SLC25A48: variants seen among roughly 807,000 people sequenced by gnomAD.
The protein encoded by SLC25A48 is CTC-321K16.1.
A neutral mutation model predicts 32.2 loss-of-function variants in SLC25A48; 29 were observed. That is an observed-to-expected ratio of 0.90 (90% CI 0.67 to 1.23). SLC25A48 has a LOEUF of 1.23. Among genes scored for constraint, SLC25A48 ranks in the 50% most tolerant of loss-of-function variants. The probability of loss-of-function intolerance (pLI) is 0.00; values close to 1 mark genes in which losing one functional copy is unlikely to be tolerated. For missense variants in SLC25A48, 399 were observed against 422.7 expected (o/e 0.94, Z 0.49); for synonymous variants, 164 against 172.3 (o/e 0.95, Z 0.38).
chr5:135,581,233 A>T (rs1751227093), intron 1 of SLC25A48, among the ~76,000 whole-genome samples: 1 of 152,208 alleles, frequency 6.6e-6, no homozygotes, highest in African/African-American at 2.4e-5. Context: ...CGTCATACAG[A>T]TGTACCAGAA....
At chr5:135,686,876 A>G (rs1754031344) in intron 3 of SLC25A48, among the ~76,000 whole-genome samples, 1 of 152,160 alleles carries the variant, frequency 6.6e-6, no homozygotes, top group African/African-American at 2.4e-5. Flanking sequence ...TTATCATCTG[A>G]CATTCTGGGA....
intron 3 of SLC25A48, among the ~76,000 whole-genome samples, chr5:135,774,228 C>A (rs1271729780): frequency 6.6e-6 from 1 of 151,764 alleles, no homozygotes; most frequent in Non-Finnish European, 1.5e-5. Context: ...GATATTGTTT[C>A]TCATATCCAG....
In SLC25A48 at chr5:135,628,211, A is replaced by C. The variant is rs73791007; in HGVS notation, c.-848-1026A>C. Among the ~76,000 whole-genome samples the C allele has an allele frequency of 9.4e-3, 1,436 of 152,326 alleles. 26 individuals are homozygous for C. The highest frequency in any genetic ancestry group is 0.033 in the African/African-American group (1,365 of 41,566). ...GATTAGATGTGGAGTCTAAGACTCC[A>C]AATTTCTCTGAATAACTGCAAATTT... On this transcript the variant is annotated intron_variant, in intron 1 of 10. Coordinates refer to the SLC25A48 transcript ENST00000646290.
chr5:135,632,200 T>C (rs1355430444), intron 2 of SLC25A48, among the ~76,000 whole-genome samples: 5 of 152,232 alleles, frequency 3.3e-5, no homozygotes, highest in Non-Finnish European at 7.3e-5. Context: ...CTACAGTGCG[T>C]AGGCTTTGTC....
intron 1 of SLC25A48, among the ~76,000 whole-genome samples, chr5:135,621,487 A>G (rs992611734): frequency 2.6e-4 from 39 of 152,204 alleles, no homozygotes; most frequent in African/African-American, 8.9e-4. Flanking sequence ...GAGTATTTCT[A>G]TGTCCAGATA....
intron 3 of SLC25A48, among the ~76,000 whole-genome samples, chr5:135,778,972 C>G (rs1480263336): frequency 2.0e-5 from 3 of 151,244 alleles, no homozygotes; most frequent in African/African-American, 7.3e-5. Flanking sequence ...GAATATTTCC[C>G]CAAATATCAC....
intron 3 of SLC25A48, among the ~76,000 whole-genome samples, chr5:135,678,026 G>A (rs1450806801): frequency 6.6e-6 from 1 of 152,058 alleles, no homozygotes; most frequent in Non-Finnish European, 1.5e-5. Flanking sequence ...TCTATTTAGG[G>A]GTCACCGGGC....
chr5:135,624,750 GA>G (rs1752405105), intron 1 of SLC25A48, among the ~76,000 whole-genome samples: 1 of 152,218 alleles, frequency 6.6e-6, no homozygotes. Flanking sequence ...TAGATACATA[GA>G]AAAGACAGTG....
intron 3 of SLC25A48, among the ~76,000 whole-genome samples, chr5:135,746,874 A>T (rs1364238178): frequency 1.3e-5 from 2 of 152,054 alleles, no homozygotes; most frequent in East Asian, 3.9e-4. Context: ...GGGGAGTCTC[A>T]TCACATTGAT....
chr5:135,739,995 A>G (rs548293205), intron 3 of SLC25A48, among the ~76,000 whole-genome samples: 2 of 152,310 alleles, frequency 1.3e-5, no homozygotes, highest in Admixed American at 6.5e-5. Flanking sequence ...ATCCCCAGTG[A>G]GCTGTTTAAG....
At chr5:135,795,228 A>C (rs1466876147) in intron 3 of SLC25A48, among the ~76,000 whole-genome samples, 1 of 151,862 alleles carries the variant, frequency 6.6e-6, no homozygotes, top group East Asian at 1.9e-4. Flanking sequence ...GGAGAGGAAG[A>C]TATTACTCCC....
intron 3 of SLC25A48, among the ~76,000 whole-genome samples, chr5:135,732,576 A>T (rs1755253068): frequency 6.6e-6 from 1 of 152,208 alleles, no homozygotes; most frequent in Non-Finnish European, 1.5e-5. Flanking sequence ...CAGATGGAAC[A>T]CTGAGAAGTG....
intron 3 of SLC25A48, among the ~76,000 whole-genome samples, chr5:135,778,993 T>C (rs1756649202): frequency 6.6e-6 from 1 of 151,496 alleles, no homozygotes; most frequent in South Asian, 2.1e-4. Flanking sequence ...ATAATATACA[T>C]CCCCCAGTGA....
chr5:135,612,556 C>A (rs745935022), intron 1 of SLC25A48, among the ~76,000 whole-genome samples: 6 of 152,176 alleles, frequency 3.9e-5, no homozygotes, highest in Non-Finnish European at 8.8e-5. Context: ...CACACCCTTC[C>A]CAGCCTCTGG....
chr5:135,807,476 C>T (rs1446868857), intron 3 of SLC25A48, among the ~76,000 whole-genome samples: 6 of 150,348 alleles, frequency 4.0e-5, no homozygotes, highest in Admixed American at 2.0e-4. Context: ...AGTGTGTTAA[C>T]ACTATGTGAT....
At chr5:135,668,016 G>A (rs530146166) in intron 3 of SLC25A48, among the ~76,000 whole-genome samples, 137 of 152,250 alleles carry the variant, frequency 9.0e-4, no homozygotes, top group Non-Finnish European at 1.4e-3. Context: ...TGAAGACATA[G>A]TCCTGGCCTC....
intron 3 of SLC25A48, among the ~76,000 whole-genome samples, chr5:135,734,230 G>A (rs572051200): frequency 3.9e-5 from 6 of 152,238 alleles, no homozygotes; most frequent in East Asian, 3.9e-4. Flanking sequence ...GGGGGGATAC[G>A]AGAGGAAGAT....
In SLC25A48 at chr5:135,644,247, A is replaced by G. The variant is rs1055583018; in HGVS notation, c.-521+9291A>G. On this transcript the variant is annotated intron_variant, in intron 3 of 10. Transcript: ENST00000646290. The stretch of plus-strand genomic sequence containing the variant: ...CAAAAGTGTCAGAACTGAGCAGGGC[A>G]TATTTGGACTGAGAAGCCTAATATG... Among the ~76,000 whole-genome samples the G allele has an allele frequency of 8.5e-5, 13 of 152,220 alleles. No individual in the cohort carries two copies. The East Asian group carries it at 2.3e-3, about 27-fold the overall frequency.
intron 2 of SLC25A48, among the ~76,000 whole-genome samples, chr5:135,849,071 G>T (rs188975661): frequency 6.6e-6 from 1 of 152,324 alleles, no homozygotes; most frequent in Admixed American, 6.5e-5. Flanking sequence ...AATAATGAAA[G>T]TAACATCTGC....
Sources: gnomAD v4.1 joint callset for allele counts (sites outside exome capture counted in the v4.1 genomes callset) on GRCh38, gnomAD v4.1.1 for gene constraint, MANE v1.5 for transcripts, NCBI Gene and HGNC (gene_info 2026-07-23, HGNC 2026-07-21) for gene names.